Variants in BSCL2 observed in about 807,000 individuals in gnomAD.
BSCL2 encodes seipin.
A neutral mutation model predicts 57.4 loss-of-function variants in BSCL2; 41 were observed. That is an observed-to-expected ratio of 0.71 (90% CI 0.56 to 0.93). The LOEUF is 0.93. Among genes scored for constraint, BSCL2 ranks in the 40% least tolerant of loss-of-function variants. The pLI, the probability that BSCL2 is intolerant of heterozygous loss-of-function variation, is 0.00. For synonymous variants in BSCL2, 237 were observed against 227.3 expected (o/e 1.04, Z -0.38); for missense variants, 539 against 586.7 (o/e 0.92, Z 0.84).
Position 62,694,574 on chromosome 11 carries a change from C to T in BSCL2, c.624G>A (p.Ser208=), listed in dbSNP as rs138532996. 69 of 1,613,802 alleles carry T rather than the reference C, an allele frequency of 4.3e-5. No homozygotes were observed. The African/African-American group carries it at 6.8e-4, about 16-fold the overall frequency. The part of the protein sequence containing the change: ...TRGGRIISTS[S]RSVMLHYRSD... ...ACAGGCCACCAACACTTACCGAACG[C>T]GAAGAAGTGGAGATGATTCGGCCAC... Residue 208 remains serine, a synonymous_variant, in exon 4 of 11, where the codon TCG becomes TCA. Coordinates refer to ENST00000360796, the MANE Select transcript of BSCL2 (RefSeq NM_001122955.4).
At position 62,705,457 on chromosome 11, in the gene BSCL2, A is replaced by G; in HGVS notation, c.248T>C (p.Val83Ala). Residue 83 changes from valine to alanine, a missense_variant, in exon 2 of 11, where the codon GTC (valine) becomes GCC (alanine). By Grantham distance (64) the Val-to-Ala change is moderately conservative (BLOSUM62 0). This residue lies in a region of BSCL2 where 218 missense variants were observed against 224.8 expected (regional missense o/e 0.97). Coordinates refer to ENST00000360796, the MANE Select transcript of BSCL2 (RefSeq NM_001122955.4). The stretch of plus-strand genomic sequence containing the variant: ...CAGCCTGCGGGCACGGCCTGCCAAG[A>G]CTTGGCCCACCTCCTGGGCCCACAG... ...ALLWAQEVGQ[V>A]LAGRARRLLL... The G allele has an allele frequency of 6.2e-7, 1 of 1,614,200 alleles. No individual in the cohort carries two copies. The highest frequency in any genetic ancestry group is 1.1e-5 in the South Asian group (1 of 91,082).
intron 4 of BSCL2, 67 bp from the exon 5 acceptor site, chr11:62,692,864 C>T: frequency 6.2e-7 from 1 of 1,603,296 alleles, no homozygotes; most frequent in Non-Finnish European, 8.5e-7. Context: ...CTACCTACCC[C>T]TCAACCACCC....
chr11:62,707,053 G>A, intron 1 of BSCL2, 56 bp downstream of exon 1: 3 of 1,457,822 alleles, frequency 2.1e-6, no homozygotes, highest in Non-Finnish European at 2.8e-6. Context: ...CCCCCTTCAC[G>A]CCAGCCCACC....
At chr11:62,706,695 C>T (rs1199409032) in intron 1 of BSCL2, 4 of 482,768 alleles carry the variant, frequency 8.3e-6, no homozygotes, top group South Asian at 6.2e-5. Flanking sequence ...CCCACAGCTC[C>T]TAGGACCTGT....
upstream of BSCL2, chr11:62,707,661 G>A: frequency 4.5e-6 from 2 of 440,830 alleles, no homozygotes; most frequent in Non-Finnish European, 8.4e-6. Flanking sequence ...GTATGCTCCA[G>A]GATCTGAGCA....
Position 62,705,366 on chromosome 11 carries a change from A to G in BSCL2, c.339T>C (p.Tyr113=). ...LLLLWVSVFL[Y]GSFYYSYMPT... The stretch of plus-strand genomic sequence containing the variant: ...GCATATAGGAATAGTAGAAGGAGCC[A>G]TAGAGGAAGACAGACACCCAGAGCA... Residue 113 remains tyrosine, a synonymous_variant, in exon 2 of 11, where the codon TAT becomes TAC. Transcript: ENST00000360796. 1 of 1,614,158 alleles carries G rather than the reference A, an allele frequency of 6.2e-7. No individual in the cohort carries two copies. Among genetic ancestry groups the G allele is most frequent in the Non-Finnish European group, 8.5e-7 (1 of 1,180,000 alleles).
intron 2 of BSCL2, among the ~76,000 whole-genome samples, chr11:62,703,925 T>C (rs1469752562): frequency 6.8e-6 from 1 of 147,404 alleles, no homozygotes; most frequent in Admixed American, 6.8e-5. Flanking sequence ...GAGATCAGCC[T>C]GGCCAACATA....
At chr11:62,705,164 G>GT in intron 2 of BSCL2, 137 bp downstream of exon 2, 1 of 935,734 alleles carries the variant, frequency 1.1e-6, no homozygotes, top group East Asian at 2.7e-5. Flanking sequence ...GCCTTGGGCT[G>GT]TGAAAGTTGA....
In BSCL2 at chr11:62,707,180, C is replaced by T. The variant is rs766561349; in HGVS notation, c.16G>A (p.Val6Ile). Residue 6 changes from valine (V) to isoleucine (I), a missense_variant, in exon 1 of 11, where the codon GTA becomes ATA. Physicochemically the swap from Val to Ile is conservative, Grantham distance 29 (BLOSUM62 3). Around this residue, in one of 3 missense-constraint regions of BSCL2, gnomAD observed 218 missense variants for 224.8 expected, o/e 0.97. Coordinates refer to ENST00000360796, the MANE Select transcript of BSCL2 (RefSeq NM_001122955.4). ...TCCCCAGCTTCCTCCTTTTGGTCTA[C>T]CTTTTCTGTAGACATCTTCCTGACG... MSTEK[V>I]DQKEEAGEKE... 9 of 1,553,352 alleles carry T rather than the reference C, an allele frequency of 5.8e-6. No homozygotes were observed. In the East Asian group the frequency reaches 2.2e-4, roughly 38 times the overall value.
chr11:62,699,062 C>T (rs545779325), intron 3 of BSCL2, among the ~76,000 whole-genome samples: 100 of 152,154 alleles, frequency 6.6e-4, no homozygotes, highest in African/African-American at 2.1e-3. Flanking sequence ...CACACCACCA[C>T]GCCCAGCTAA....
chr11:62,692,936 AC>A (rs1369004725), intron 4 of BSCL2, 139 bp from the exon 5 acceptor site: 2 of 1,051,094 alleles, frequency 1.9e-6, no homozygotes, highest in African/African-American at 1.6e-5. Flanking sequence ...TTCACTTCCT[AC>A]CCCTCAGTCT....
intron 1 of BSCL2, chr11:62,706,398 G>A (rs2083537355): frequency 4.1e-6 from 3 of 737,510 alleles, no homozygotes; most frequent in Admixed American, 8.1e-5. Flanking sequence ...GCGGGGCGGG[G>A]CGGGACGGGG....
upstream of BSCL2, chr11:62,707,950 C>T (rs769626608): frequency 2.1e-5 from 7 of 329,846 alleles, no homozygotes; most frequent in Non-Finnish European, 4.0e-5. Flanking sequence ...TGTTGGGGCT[C>T]ACTGGAGCAG....
intron 4 of BSCL2, among the ~76,000 whole-genome samples, chr11:62,693,827 T>C (rs888229143): frequency 1.3e-5 from 2 of 152,072 alleles, no homozygotes; most frequent in Non-Finnish European, 2.9e-5. Context: ...TCTCTTTTTT[T>C]TTTTAAGACA....
intron 1 of BSCL2, chr11:62,706,333 G>T: frequency 8.9e-7 from 1 of 1,122,534 alleles, no homozygotes; most frequent in Non-Finnish European, 1.1e-6. Flanking sequence ...CTCTCCGCCG[G>T]CCGCTTTTGT....
chr11:62,708,004 C>T (rs2083571505), upstream of BSCL2: 1 of 436,372 alleles, frequency 2.3e-6, no homozygotes, highest in Admixed American at 3.4e-5. Context: ...TTGAGGTCTT[C>T]AGAGCTGGGA....
Position 62,691,264 on chromosome 11 carries a change from C to T in BSCL2, c.1005+16G>A, listed in dbSNP as rs1428708514. The T allele has an allele frequency of 1.2e-6, 2 of 1,614,152 alleles. No individual in the cohort carries two copies. Among genetic ancestry groups the T allele is most frequent in the Non-Finnish European group, 1.7e-6 (2 of 1,180,014 alleles). On this transcript the variant is annotated intron_variant, in intron 7 of 10. Transcript: ENST00000360796. ...AAAGATCAAAGGGACAAAAGGGGGT[C>T]CTTGCCCCTTTCGACCTGCAAAGAG...
chr11:62,700,162 A>G (rs1229419199), intron 3 of BSCL2, among the ~76,000 whole-genome samples: 1 of 149,610 alleles, frequency 6.7e-6, no homozygotes, highest in African/African-American at 2.5e-5. Flanking sequence ...GATCACTTGA[A>G]CCTGGGAGGT....
Position 62,690,393 on chromosome 11 carries a change from G to C in BSCL2, c.1363C>G (p.Gln455Glu). The part of the protein sequence containing the change: ...SSEPAGGALR[Q>E]RPTCSSS Reference sequence around the variant, plus strand: ...CAGGAACTAGAGCAGGTGGGGCGCTGTCGGAGAGCACCCCCAGCAGGTTCA... The same window carrying C: ...CAGGAACTAGAGCAGGTGGGGCGCTCTCGGAGAGCACCCCCAGCAGGTTCA... Residue 455 changes from glutamine to glutamate, a missense_variant, in exon 11 of 11, where the codon CAG becomes GAG. Gln to Glu is a conservative substitution (Grantham distance 29). Transcript: ENST00000360796. 12 of 1,614,096 alleles carry C rather than the reference G, an allele frequency of 7.4e-6. No homozygotes were observed. The highest frequency in any genetic ancestry group is 1.0e-5 in the Non-Finnish European group (12 of 1,180,038).
Sources: gnomAD v4.1 joint callset for allele counts (sites outside exome capture counted in the v4.1 genomes callset) on GRCh38, gnomAD v4.1.1 for gene constraint, gnomAD v4.1.1 regional missense constraint, MANE v1.5 for transcripts, NCBI Gene and HGNC (gene_info 2026-07-23, HGNC 2026-07-21) for gene names.